The following RAB6B variants were observed in gnomAD, a reference collection of about 807,000 sequenced individuals.
The protein encoded by RAB6B is ras-related protein Rab-6B.
A neutral mutation model predicts 31.2 loss-of-function variants in RAB6B; 7 were observed. The observed-to-expected ratio is 0.22, with a 90% CI of 0.13 to 0.42. RAB6B has a LOEUF of 0.42. Among genes scored for constraint, RAB6B ranks in the 10% least tolerant of loss-of-function variants. The probability of loss-of-function intolerance (pLI) is 1.00; values close to 1 mark genes in which losing one functional copy is unlikely to be tolerated. For missense variants in RAB6B, 149 were observed against 280.6 expected (o/e 0.53, Z 3.35); for synonymous variants, 105 against 104.9 (o/e 1.00, Z -0.01).
chr3:133,875,151 C>G (rs909729046), intron 1 of RAB6B, among the ~76,000 whole-genome samples: 1 of 152,184 alleles, frequency 6.6e-6, no homozygotes, highest in East Asian at 1.9e-4. Flanking sequence ...TATGGGACAA[C>G]CTTCATACAT....
At chr3:133,837,140 C>G (rs2107988923) in intron 6 of RAB6B, among the ~76,000 whole-genome samples, 1 of 152,214 alleles carries the variant, frequency 6.6e-6, no homozygotes, top group South Asian at 2.1e-4. Flanking sequence ...GCCCTCCCTC[C>G]TCACCACCTC....
In RAB6B at chr3:133,824,560, G is replaced by C. The variant is rs2107980371; in HGVS notation, c.*4228C>G. 6.6e-6 allele frequency: 1 copy of C among 152,286 alleles called. No homozygotes were observed. Among genetic ancestry groups the C allele is most frequent in the Non-Finnish European group, 1.5e-5 (1 of 68,028 alleles). 9.4% of individuals were successfully genotyped at this position (152,286 alleles called of 1,614,324 possible). Reference sequence around the variant, plus strand: ...CACTGCTGGGAGTGCCAACCAGACAGGGGTCTGGAGTCCAAGGAGTTTGCA... The same window carrying C: ...CACTGCTGGGAGTGCCAACCAGACACGGGTCTGGAGTCCAAGGAGTTTGCA... On this transcript the variant is annotated 3_prime_UTR_variant, in exon 8 of 8. Coordinates refer to ENST00000285208, the MANE Select transcript of RAB6B (RefSeq NM_016577.4).
rs114729226 is a variant in RAB6B at position 133,871,112 on chromosome 3, C to T, written c.71-6470G>A. 2.7e-3 allele frequency among the ~76,000 whole-genome samples: 409 copies of T among 152,368 alleles called. 2 individuals are homozygous for T. Among genetic ancestry groups the T allele is most frequent in the African/African-American group, 8.1e-3 (336 of 41,572 alleles). On this transcript the variant is annotated intron_variant, in intron 1 of 7. Coordinates refer to ENST00000285208, the MANE Select transcript of RAB6B (RefSeq NM_016577.4). Reference sequence around the variant, plus strand: ...GCAGAGGCCAGTGAGGCTTCTCCAGCCACTCAGCAAACACCCACTGGGGCT... The same window carrying T: ...GCAGAGGCCAGTGAGGCTTCTCCAGTCACTCAGCAAACACCCACTGGGGCT...
chr3:133,854,256 C>T (rs1196767661), intron 2 of RAB6B, among the ~76,000 whole-genome samples: 1 of 152,240 alleles, frequency 6.6e-6, no homozygotes, highest in Non-Finnish European at 1.5e-5. Context: ...AAGGAGACTA[C>T]TTCCCTCTTC....
intron 1 of RAB6B, among the ~76,000 whole-genome samples, chr3:133,889,376 A>G (rs1457872002): frequency 2.2e-5 from 3 of 133,836 alleles, no homozygotes; most frequent in Non-Finnish European, 4.8e-5. Flanking sequence ...AAAGGACAAT[A>G]AGGTTATTTT....
chr3:133,876,721 G>A (rs1936402406), intron 1 of RAB6B, among the ~76,000 whole-genome samples: 1 of 152,178 alleles, frequency 6.6e-6, no homozygotes, highest in African/African-American at 2.4e-5. Context: ...TAAGAGCTGG[G>A]CAGCAGAAAG....
chr3:133,828,551 A>T lies in RAB6B; in HGVS notation c.*237T>A, dbSNP rs1177830796. ...TTTAACAGTTTTTGGCAATCTTAAT[A>T]AAGTACAATATATTACAACCAAACC... On this transcript the variant is annotated 3_prime_UTR_variant, in exon 8 of 8. Transcript: ENST00000285208. 2 of 511,612 alleles carry T rather than the reference A, an allele frequency of 3.9e-6. No individual in the cohort carries two copies. Among genetic ancestry groups the T allele is most frequent in the Non-Finnish European group, 6.8e-6 (2 of 292,506 alleles). 31.7% of individuals were successfully genotyped at this position (511,612 alleles called of 1,614,324 possible).
rs1935828945 is a variant in RAB6B, at chr3:133,841,463, G to A, written c.184-73C>T. 10 of 1,548,776 alleles carry A rather than the reference G, an allele frequency of 6.5e-6. No homozygotes were observed. In the South Asian group the frequency reaches 1.0e-4, roughly 16 times the overall value. ...TGAGGTCCTCCTGGTCCGGGGGACT[G>A]GGAGAGCCGGGCTCTGCAATGCTGG... On this transcript the variant is annotated intron_variant, in intron 3 of 7. Transcript: ENST00000285208.
intron 2 of RAB6B, among the ~76,000 whole-genome samples, chr3:133,858,862 T>C (rs1421734229): frequency 1.3e-5 from 2 of 152,224 alleles, no homozygotes; most frequent in African/African-American, 2.4e-5. Flanking sequence ...AGCGTCTTAG[T>C]ACTGCATTTT....
At chr3:133,828,959 C>G (rs1368504361) in intron 7 of RAB6B, 107 bp from the exon 8 acceptor site, 10 of 1,084,410 alleles carry the variant, frequency 9.2e-6, no homozygotes, top group Non-Finnish European at 1.3e-5. Flanking sequence ...CTGCAAACAC[C>G]TAGGGACTTG....
At chr3:133,892,939 C>T (rs1161223935) in intron 1 of RAB6B, among the ~76,000 whole-genome samples, 1 of 152,206 alleles carries the variant, frequency 6.6e-6, no homozygotes, top group Non-Finnish European at 1.5e-5. Context: ...ACATACATGT[C>T]CCCTACCTAA....
At chr3:133,836,615 C>A (rs1935739031) in intron 6 of RAB6B, among the ~76,000 whole-genome samples, 2 of 152,126 alleles carry the variant, frequency 1.3e-5, no homozygotes, top group African/African-American at 4.8e-5. Flanking sequence ...GAGGCAGATG[C>A]TACCTGCCCT....
intron 7 of RAB6B, among the ~76,000 whole-genome samples, chr3:133,832,798 T>C (rs11921187): frequency 0.18 from 27,944 of 152,204 alleles, 2,673 homozygotes; most frequent in African/African-American, 0.21. Flanking sequence ...CACAACACCC[T>C]GTGCAGTCTG....
Position 133,834,621 on chromosome 3 carries a change from C to T in RAB6B, c.516G>A (p.Ser172=), listed in dbSNP as rs376078923. 1.5e-5 allele frequency: 25 copies of T among 1,614,006 alleles called. No homozygotes were observed. In the Admixed American group the frequency reaches 3.3e-4, roughly 22 times the overall value. ...NVKQLFRRVA[S]ALPGMENVQE... ...GGACATTCTCCATTCCGGGTAGAGC[C>T]GACGCCACACGTCGAAAAAGCTGGA... Residue 172 remains serine (S), a synonymous_variant, in exon 7 of 8, where the codon TCG becomes TCA. Transcript: ENST00000285208.
intron 6 of RAB6B, 33 bp downstream of exon 6, chr3:133,838,133 C>A: frequency 2.8e-6 from 4 of 1,452,536 alleles, no homozygotes; most frequent in Non-Finnish European, 2.8e-6. Flanking sequence ...GTGCCGGGCC[C>A]CGTGCCGGGC....
intron 7 of RAB6B, among the ~76,000 whole-genome samples, chr3:133,832,437 C>G (rs1207267226): frequency 6.6e-6 from 1 of 152,146 alleles, no homozygotes; most frequent in East Asian, 1.9e-4. Context: ...ACACATTCAC[C>G]AAGTCCTGAG....
rs1358590258 is a variant in RAB6B, at chr3:133,824,593, A to G, written c.*4195T>C. 1 of 152,198 alleles carries G rather than the reference A, an allele frequency of 6.6e-6. No homozygotes were observed. The highest frequency in any genetic ancestry group is 2.4e-5 in the African/African-American group (1 of 41,450). The allele number at this position is 152,198 out of a possible 1,614,324, so 9.4% of individuals were successfully genotyped here. Reference sequence around the variant, plus strand: ...GAGTCCAAGGAGTTTGCACATTGAGATCCCAAGGTTTTGGAACACCTAAAT... The same window carrying G: ...GAGTCCAAGGAGTTTGCACATTGAGGTCCCAAGGTTTTGGAACACCTAAAT... On this transcript the variant is annotated 3_prime_UTR_variant, in exon 8 of 8. Transcript: ENST00000285208.
rs55951806 is a variant in RAB6B, at chr3:133,827,746, ACCCCCCCC to A, written c.*1034_*1041del. 2 of 72,114 alleles carry A rather than the reference ACCCCCCCC, an allele frequency of 2.8e-5. 1 individual carries two copies. The highest frequency in any genetic ancestry group is 5.5e-5 in the Non-Finnish European group (2 of 36,596). 4.5% of individuals were successfully genotyped at this position (72,114 alleles called of 1,614,324 possible). Reference sequence around the variant, plus strand: ...TCAAGGTGGTGGTTCTGCAGACAACACCCCCCCCCCCCCCCGCCTCCCCATCACAGAGG... The same window carrying A: ...TCAAGGTGGTGGTTCTGCAGACAACACCCCCCCGCCTCCCCATCACAGAGG... On this transcript the variant is annotated 3_prime_UTR_variant, in exon 8 of 8. Transcript: ENST00000285208.
intron 2 of RAB6B, among the ~76,000 whole-genome samples, chr3:133,847,356 A>G (rs1207351910): frequency 6.6e-6 from 1 of 152,242 alleles, no homozygotes; most frequent in African/African-American, 2.4e-5. Context: ...ACACGCCTCC[A>G]GGCTCTAAGT....
Sources: gnomAD v4.1 joint callset for allele counts (sites outside exome capture counted in the v4.1 genomes callset) on GRCh38, gnomAD v4.1.1 for gene constraint, MANE v1.5 for transcripts, NCBI Gene and HGNC (gene_info 2026-07-23, HGNC 2026-07-21) for gene names.